CCDC47: variants seen among roughly 807,000 people sequenced by gnomAD.
CCDC47 encodes coiled-coil domain containing 47.
CCDC47 carries 41 observed loss-of-function variants against 60.5 expected under a neutral mutation model. That is an observed-to-expected ratio of 0.68 (90% CI 0.53 to 0.88). CCDC47 has a LOEUF of 0.88. Among genes scored for constraint, CCDC47 ranks in the 40% least tolerant of loss-of-function variants. The pLI is 0.00. For synonymous variants in CCDC47, 195 were observed against 190.7 expected, an observed-to-expected ratio of 1.02 and a Z score of -0.18; for missense variants, 513 against 580.9, an observed-to-expected ratio of 0.88 and a Z score of 1.20.
At chr17:63,763,967 A>C (rs1280875713) in intron 4 of CCDC47, 49 bp downstream of exon 4, 2 of 1,492,586 alleles carry the variant, frequency 1.3e-6, no homozygotes, top group African/African-American at 2.8e-5. Flanking sequence ...CATCATCCTT[A>C]CCAGATTGTT....
At chr17:63,771,037 G>GAAAGAAAGAAAGAAAGAAAGAAAGAAAGA (rs1568253168) in intron 1 of CCDC47, among the ~76,000 whole-genome samples, 4 of 54,712 alleles carry the variant, frequency 7.3e-5, no homozygotes, top group African/African-American at 2.4e-4. Context: ...AGGAAGGAAG[G>GAAAGAAAGAAAGAAAGAAAGAAAGAAAGA]AAGGAAGGAA....
chr17:63,762,170 T>G, intron 4 of CCDC47: 1 of 984,786 alleles, frequency 1.0e-6, no homozygotes, highest in Non-Finnish European at 1.2e-6. Flanking sequence ...TTCCAATACT[T>G]TCTCTCTTCA....
intron 1 of CCDC47, among the ~76,000 whole-genome samples, chr17:63,770,477 A>T (rs1306771105): frequency 6.6e-6 from 1 of 152,188 alleles, no homozygotes; most frequent in Non-Finnish European, 1.5e-5. Context: ...TGGCAACTGC[A>T]GGGAAGTGAT....
intron 12 of CCDC47, chr17:63,747,873 G>T: frequency 1.3e-6 from 1 of 772,958 alleles, no homozygotes; most frequent in Non-Finnish European, 1.6e-6. Context: ...ATTTTTTTTT[G>T]AGATAGGGTC....
Position 63,760,935 on chromosome 17 carries a change from C to G in CCDC47, c.714G>C (p.Met238Ile). ...QDLLNVLARM[M>I]RPVSDQVQIK... is the part of the protein sequence containing the mutation. ...ATACCACTTGATCACTCACTGGCCT[C>G]ATCATCCGGGCCAGGACATTCAGTA... is the stretch of plus-strand genomic sequence containing the variant. The change falls in exon 6 of 13, where the codon ATG (methionine) becomes ATC (isoleucine). Residue 238 changes from methionine to isoleucine, a missense_variant. Physicochemically the swap from Met to Ile is conservative, Grantham distance 10. Transcript: ENST00000225726. 1.2e-6 allele frequency: 2 copies of G among 1,613,178 alleles called. No homozygotes were observed. The highest frequency in any genetic ancestry group is 3.3e-5 in the Admixed American group (2 of 59,970).
intron 5 of CCDC47, 65 bp downstream of exon 5, chr17:63,761,165 G>C: frequency 6.3e-7 from 1 of 1,589,672 alleles, no homozygotes; most frequent in Admixed American, 1.7e-5. Flanking sequence ...GAATTGGGGG[G>C]CTGGGAATCA....
At chr17:63,761,868 A>C in intron 4 of CCDC47, 1 of 889,758 alleles carries the variant, frequency 1.1e-6, no homozygotes, top group Non-Finnish European at 1.3e-6. Context: ...CTGTATTAGA[A>C]GAAATATGGA....
chr17:63,749,274 G>A (rs2039144030), intron 12 of CCDC47, among the ~76,000 whole-genome samples: 1 of 151,868 alleles, frequency 6.6e-6, no homozygotes, highest in African/African-American at 2.4e-5. Context: ...CGGGCATGGA[G>A]GCAGGCACCT....
At chr17:63,761,061 G>T in intron 5 of CCDC47, 82 bp from the exon 6 acceptor site, 1 of 1,364,750 alleles carries the variant, frequency 7.3e-7, no homozygotes. Context: ...AGAATCAAAT[G>T]CTTCATCAAA....
chr17:63,764,716 G>A, intron 3 of CCDC47, 24 bp downstream of exon 3: 1 of 1,587,304 alleles, frequency 6.3e-7, no homozygotes, highest in Non-Finnish European at 8.6e-7. Context: ...GTTTAGTTGG[G>A]AATTCAGAAT....
At chr17:63,754,699 A>G (rs2039191919) in intron 8 of CCDC47, among the ~76,000 whole-genome samples, 181 bp from the exon 9 acceptor site, 1 of 151,942 alleles carries the variant, frequency 6.6e-6, no homozygotes, top group Non-Finnish European at 1.5e-5. Context: ...TGGCCAACAC[A>G]GTGAAACACC....
chr17:63,763,063 G>A (rs1393388405), intron 4 of CCDC47, among the ~76,000 whole-genome samples: 2 of 152,082 alleles, frequency 1.3e-5, no homozygotes, highest in Non-Finnish European at 2.9e-5. Context: ...GACCACAGAA[G>A]CACACCACTG....
At chr17:63,766,261 G>A (rs1255216090) in intron 1 of CCDC47, 67 bp from the exon 2 acceptor site, 1 of 1,411,264 alleles carries the variant, frequency 7.1e-7, no homozygotes, top group African/African-American at 1.4e-5. Flanking sequence ...TTTATAAACA[G>A]TAAAAATCTA....
Position 63,746,934 on chromosome 17 carries a change from T to C in CCDC47, c.1399A>G (p.Lys467Glu), listed in dbSNP as rs2039124604. ...ATTTTCATTTGCTTCTTTTCCAACT[T>C]CTTTTGCTCACGCCTCAATGCAGCC... ...EEAALRREQK[K>E]LEKKQMKMKQ... Residue 467 changes from lysine (K) to glutamate (E), a missense_variant, in exon 13 of 13, where the codon AAG becomes GAG. Physicochemically the swap from Lys to Glu is moderately conservative, Grantham distance 56. Transcript: ENST00000225726. The C allele has an allele frequency of 6.2e-7, 1 of 1,613,620 alleles. No individual in the cohort carries two copies. Among genetic ancestry groups the C allele is most frequent in the African/African-American group, 1.3e-5 (1 of 74,906 alleles).
At chr17:63,763,788 C>G (rs1297522523) in intron 4 of CCDC47, among the ~76,000 whole-genome samples, 1 of 151,616 alleles carries the variant, frequency 6.6e-6, no homozygotes, top group Non-Finnish European at 1.5e-5. Flanking sequence ...CGCGCCACTG[C>G]ACTCCAGCCT....
chr17:63,751,328 T>C (rs180918094), intron 12 of CCDC47, among the ~76,000 whole-genome samples: 3 of 117,826 alleles, frequency 2.5e-5, no homozygotes, highest in Non-Finnish European at 4.8e-5. Context: ...ATTGCGCCAT[T>C]GCACTCCAGC....
intron 5 of CCDC47, 124 bp downstream of exon 5, chr17:63,761,106 T>C: frequency 7.0e-7 from 1 of 1,426,658 alleles, no homozygotes; most frequent in South Asian, 1.2e-5. Context: ...TTAGTATAAA[T>C]ATCACTTTTA....
At chr17:63,766,543 C>G (rs1167862509) in intron 1 of CCDC47, among the ~76,000 whole-genome samples, 2 of 152,168 alleles carry the variant, frequency 1.3e-5, no homozygotes, top group Non-Finnish European at 2.9e-5. Flanking sequence ...CCTGCCTCAG[C>G]CTCCCGAGTA....
At position 63,769,859 on chromosome 17, in the gene CCDC47, C is replaced by A. The variant is rs866419806; in HGVS notation, c.-20+3553G>T. Among the ~76,000 whole-genome samples the A allele has an allele frequency of 6.6e-5, 10 of 152,184 alleles. No individual in the cohort carries two copies. The South Asian group carries it at 1.9e-3, about 28-fold the overall frequency. ...TCCTGGGTCACATGCGGCCTGCAGG[C>A]CATGGGTTGGACAAGCTTGGTTTAG... On this transcript the variant is annotated intron_variant, in intron 1 of 12. Transcript: ENST00000225726.
Sources: gnomAD v4.1 joint callset for allele counts (sites outside exome capture counted in the v4.1 genomes callset) on GRCh38, gnomAD v4.1.1 for gene constraint, MANE v1.5 for transcripts, NCBI Gene and HGNC (gene_info 2026-07-23, HGNC 2026-07-21) for gene names.